The following HPS3 variants were observed in gnomAD, a reference collection of about 807,000 sequenced individuals.
The protein encoded by HPS3 is BLOC-2 complex member HPS3.
HPS3 carries 79 observed loss-of-function variants against 110.9 expected under a neutral mutation model. The ratio of observed to expected loss-of-function variants is 0.71; its 90% CI spans 0.59 to 0.86. HPS3 has a LOEUF of 0.86. Among genes scored for constraint, HPS3 ranks in the 40% least tolerant of loss-of-function variants. HPS3 has a pLI of 0.00. For synonymous variants in HPS3, 428 were observed against 451.0 expected (o/e 0.95, Z 0.65); for missense variants, 1,197 against 1,206.2 (o/e 0.99, Z 0.11).
At chr3:149,160,335 A>AAGACAGCTAAACACTTC in intron 11 of HPS3, 56 bp downstream of exon 11, 1 of 1,152,848 alleles carries the variant, frequency 8.7e-7, no homozygotes, top group Non-Finnish European at 1.3e-6. Context: ...GGTAATCCTG[A>AAGACAGCTAAACACTTC]AGTGTTTAGC....
intron 6 of HPS3, among the ~76,000 whole-genome samples, chr3:149,151,279 T>C (rs1206823263): frequency 6.6e-6 from 1 of 151,628 alleles, no homozygotes; most frequent in Non-Finnish European, 1.5e-5. Flanking sequence ...GCGATCTGCC[T>C]GCCTCAGCCT....
At position 149,150,605 on chromosome 3, in the gene HPS3, C is replaced by A. The variant is rs1162175762; in HGVS notation, c.1170C>A (p.Asn390Lys). 1 of 1,613,908 alleles carries A rather than the reference C, an allele frequency of 6.2e-7. No homozygotes were observed. The highest frequency in any genetic ancestry group is 1.7e-5 in the Admixed American group (1 of 60,026). The stretch of plus-strand genomic sequence containing the variant: ...CCTGTGTCTTCCTCCTCAGTAACAA[C>A]CTGCAGTGTTTCACTGTGCGGTGCA... ...PQFLHVITSN[N>K]LQCFTVRCSA... The change falls in exon 6 of 17, where the codon AAC (asparagine) becomes AAA (lysine). Residue 390 changes from asparagine (N) to lysine (K), a missense_variant. By Grantham distance (94) the Asn-to-Lys change is moderately conservative. Transcript: ENST00000296051.
At position 149,140,222 on chromosome 3, in the gene HPS3, G is replaced by A. The variant is rs752837159; in HGVS notation, c.436G>A (p.Gly146Arg). 1 of 1,614,172 alleles carries A rather than the reference G, an allele frequency of 6.2e-7. No homozygotes were observed. Among genetic ancestry groups the A allele is most frequent in the African/African-American group, 1.3e-5 (1 of 75,042 alleles). ...GTGCATTTCCTGTTGCCCTGTGAAA[G>A]GAGACCTTCTCGTTGGCTGCACAAA... is the stretch of plus-strand genomic sequence containing the variant. Reference protein sequence around the residue: ...PLCISCCPVKGDLLVGCTNKL... With the variant: ...PLCISCCPVKRDLLVGCTNKL... The change falls in exon 2 of 17, where the codon GGA (glycine) becomes AGA (arginine). Residue 146 changes from glycine (G) to arginine (R), a missense_variant. Gly to Arg is a moderately radical substitution (Grantham distance 125). Coordinates refer to ENST00000296051, the MANE Select transcript of HPS3 (RefSeq NM_032383.5).
At chr3:149,166,324 T>G (rs1244198510) in intron 14 of HPS3, among the ~76,000 whole-genome samples, 1 of 152,194 alleles carries the variant, frequency 6.6e-6, no homozygotes, top group East Asian at 1.9e-4. Flanking sequence ...TGCATATGTA[T>G]GTAGCACATG....
Position 149,162,336 on chromosome 3 carries a change from T to C in HPS3, c.2292+3T>C, listed in dbSNP as rs763649090. ...AAGAAGCAGATTCCTTTTTTAAGGTTTGTCACTTTGAAAATGTGATTTTTC... is the reference window on the plus strand; with the variant it reads ...AAGAAGCAGATTCCTTTTTTAAGGTCTGTCACTTTGAAAATGTGATTTTTC... On this transcript the variant is annotated splice_donor_region_variant and intron_variant, in intron 12 of 16. Coordinates refer to ENST00000296051, the MANE Select transcript of HPS3 (RefSeq NM_032383.5). 1.2e-6 allele frequency: 2 copies of C among 1,613,578 alleles called. No homozygotes were observed. The highest frequency in any genetic ancestry group is 2.2e-5 in the South Asian group (2 of 91,074).
At chr3:149,135,734 T>G (rs1310508173) in intron 1 of HPS3, among the ~76,000 whole-genome samples, 3 of 152,028 alleles carry the variant, frequency 2.0e-5, no homozygotes, top group Admixed American at 1.3e-4. Context: ...TTGAGTGCTG[T>G]ATGGGGACCT....
intron 8 of HPS3, among the ~76,000 whole-genome samples, chr3:149,156,084 A>C (rs533443471): frequency 3.2e-4 from 49 of 152,180 alleles, no homozygotes; most frequent in African/African-American, 9.4e-4. Flanking sequence ...CCCATTCCCC[A>C]CACAGATTTC....
At chr3:149,134,951 A>G (rs566904959) in intron 1 of HPS3, among the ~76,000 whole-genome samples, 34 of 152,280 alleles carry the variant, frequency 2.2e-4, no homozygotes, top group Admixed American at 2.0e-3. Flanking sequence ...GTATCCAGAT[A>G]ACTTGTTTTC....
chr3:149,133,445 T>C (rs1346839310), intron 1 of HPS3, among the ~76,000 whole-genome samples: 1 of 152,028 alleles, frequency 6.6e-6, no homozygotes, highest in Non-Finnish European at 1.5e-5. Context: ...GTTACAGGCA[T>C]GCGCTACCAC....
rs181866246 is a variant in HPS3 at position 149,164,542 on chromosome 3, A to G, written c.2589+593A>G. 5.3e-5 allele frequency among the ~76,000 whole-genome samples: 8 copies of G among 152,302 alleles called. No individual in the cohort carries two copies. In the East Asian group the frequency reaches 7.7e-4, roughly 15 times the overall value. ...TCAGGCTGGGCCACATGAGCATATG[A>G]TTTTATTTAATGTAGTTCAGTGGCC... On this transcript the variant is annotated intron_variant, in intron 14 of 16. Coordinates refer to ENST00000296051, the MANE Select transcript of HPS3 (RefSeq NM_032383.5).
At chr3:149,171,984 C>T (rs1725039585) in intron 16 of HPS3, 111 bp from the exon 17 acceptor site, 1 of 1,001,252 alleles carries the variant, frequency 1.0e-6, no homozygotes. Context: ...GGATTACAGG[C>T]GTGAGCCACC....
chr3:149,162,181 C>T lies in HPS3; in HGVS notation c.2140C>T (p.Arg714Trp), dbSNP rs760701467. The T allele has an allele frequency of 1.3e-5, 21 of 1,613,934 alleles. No individual in the cohort carries two copies. The highest frequency in any genetic ancestry group is 8.0e-5 in the African/African-American group (6 of 75,028). The change falls in exon 12 of 17, where the codon CGG becomes TGG. Residue 714 changes from arginine (R) to tryptophan (W), a missense_variant. Arg to Trp is a moderately radical substitution (Grantham distance 101). Coordinates refer to ENST00000296051, the MANE Select transcript of HPS3 (RefSeq NM_032383.5). The part of the protein sequence containing the change: ...KLVCGFILEP[R>W]LLIQQRKGQI... ...GGTATGTGGCTTCATTCTGGAACCTCGGCTGTTGATTCAACAGAGAAAGGG... is the reference window on the plus strand; with the variant it reads ...GGTATGTGGCTTCATTCTGGAACCTTGGCTGTTGATTCAACAGAGAAAGGG...
At chr3:149,168,199 T>C in intron 16 of HPS3, 1 of 515,250 alleles carries the variant, frequency 1.9e-6, no homozygotes, top group Non-Finnish European at 3.5e-6. Flanking sequence ...AACTTAATCC[T>C]TTCAAACACT....
rs537942587 is a variant in HPS3 at position 149,153,089 on chromosome 3, A to G, written c.1246-405A>G. On this transcript the variant is annotated intron_variant, in intron 6 of 16. Coordinates refer to ENST00000296051, the MANE Select transcript of HPS3 (RefSeq NM_032383.5). ...GTGTCTGGTTTTTCCTAAAAACCCCATTTGGGCGTACCCCCAACCATCCTG... is the reference window on the plus strand; with the variant it reads ...GTGTCTGGTTTTTCCTAAAAACCCCGTTTGGGCGTACCCCCAACCATCCTG... Among the ~76,000 whole-genome samples, 6 of 152,304 alleles carry G rather than the reference A, an allele frequency of 3.9e-5. No homozygotes were observed. The East Asian group carries it at 1.2e-3, about 29-fold the overall frequency.
chr3:149,170,740 A>T (rs1251642260), intron 16 of HPS3, among the ~76,000 whole-genome samples: 2 of 152,142 alleles, frequency 1.3e-5, no homozygotes, highest in African/African-American at 4.8e-5. Flanking sequence ...TGGACAGATG[A>T]CTTTGGAATG....
At position 149,149,709 on chromosome 3, in the gene HPS3, G is replaced by A. The variant is rs569321686; in HGVS notation, c.1164-890G>A. Among the ~76,000 whole-genome samples the A allele has an allele frequency of 6.6e-5, 10 of 152,202 alleles. 1 individual carries two copies. The highest frequency in any genetic ancestry group is 2.4e-4 in the African/African-American group (10 of 41,518). On this transcript the variant is annotated intron_variant, in intron 5 of 16. Coordinates refer to ENST00000296051, the MANE Select transcript of HPS3 (RefSeq NM_032383.5). ...CTTTCTAGTTTTTTTAAAAAGGGAGGGAGAAGGAAGGAATAAAAATATCAA... is the reference window on the plus strand; with the variant it reads ...CTTTCTAGTTTTTTTAAAAAGGGAGAGAGAAGGAAGGAATAAAAATATCAA...
rs567495568 is a variant in HPS3, at chr3:149,169,176, C to T, written c.2887+1193C>T. 7.9e-5 allele frequency among the ~76,000 whole-genome samples: 12 copies of T among 152,140 alleles called. No individual in the cohort carries two copies. The South Asian group carries it at 8.3e-4, about 11-fold the overall frequency. ...CTACACATTCCTCACCAGCAATATGCCTCTCCTATAGGAAGCATTCTGTAA... is the reference window on the plus strand; with the variant it reads ...CTACACATTCCTCACCAGCAATATGTCTCTCCTATAGGAAGCATTCTGTAA... On this transcript the variant is annotated intron_variant, in intron 16 of 16. Coordinates refer to ENST00000296051, the MANE Select transcript of HPS3 (RefSeq NM_032383.5).
chr3:149,140,579 T>C (rs1302579540), intron 2 of HPS3, 81 bp downstream of exon 2: 1 of 1,435,018 alleles, frequency 7.0e-7, no homozygotes, highest in Non-Finnish European at 9.7e-7. Flanking sequence ...GTCTGTGGTA[T>C]ATATGGTGCC....
At position 149,129,944 on chromosome 3, in the gene HPS3, A is replaced by G. The variant is rs752186234; in HGVS notation, c.217+4A>G. The G allele has an allele frequency of 7.1e-6, 11 of 1,538,726 alleles. No homozygotes were observed. The South Asian group carries it at 1.3e-4, about 18-fold the overall frequency. On this transcript the variant is annotated splice_donor_region_variant and intron_variant, in intron 1 of 16. Transcript: ENST00000296051. ...CGCCTGGCCTACAGCGAGGCTGGTG[A>G]GTAATCTAGAGAGCCAGGGGCCGCC...
Sources: allele counts gnomAD v4.1 joint callset (sites outside exome capture counted in the v4.1 genomes callset), GRCh38; gene constraint gnomAD v4.1.1; transcripts MANE v1.5; gene names NCBI Gene and HGNC (gene_info 2026-07-23, HGNC 2026-07-21).